MCTP2: variants seen among roughly 807,000 people sequenced by gnomAD.
MCTP2 encodes multiple C2 and transmembrane domain-containing protein 2.
In MCTP2, 132 loss-of-function variants were observed where a neutral mutation model predicts 111.6. The observed-to-expected ratio is 1.18, with a 90% CI of 1.03 to 1.37. The LOEUF is 1.37. Among genes scored for constraint, MCTP2 ranks in the 40% most tolerant of loss-of-function variants. The pLI is 0.00. For missense variants in MCTP2, 1,183 were observed against 1,067.9 expected, an observed-to-expected ratio of 1.11 and a Z score of -1.50; for synonymous variants, 395 against 387.7, an observed-to-expected ratio of 1.02 and a Z score of -0.22.
chr15:94,243,683 A>G (rs2071336897), intron 1 of MCTP2, among the ~76,000 whole-genome samples: 1 of 147,806 alleles, frequency 6.8e-6, no homozygotes, highest in African/African-American at 2.5e-5. Flanking sequence ...ACATATATGT[A>G]TACACATACA....
At chr15:94,399,204 AT>A in intron 15 of MCTP2, 142 bp downstream of exon 15, 1 of 577,144 alleles carries the variant, frequency 1.7e-6, no homozygotes, top group Non-Finnish European at 3.1e-6. Context: ...AAAGCTGTGC[AT>A]TTTATAAGCA....
At chr15:94,456,492 A>G (rs2152524817) in intron 19 of MCTP2, among the ~76,000 whole-genome samples, 1 of 152,338 alleles carries the variant, frequency 6.6e-6, no homozygotes, top group Middle Eastern at 3.4e-3. Context: ...ATGTTCCTTT[A>G]TAAACATGAA....
intron 17 of MCTP2, among the ~76,000 whole-genome samples, chr15:94,415,166 ACTCTGCAAAGATTACACTCC>A (rs1272439329): frequency 6.6e-6 from 1 of 151,984 alleles, no homozygotes; most frequent in African/African-American, 2.4e-5. Flanking sequence ...GTGTTAATGC[ACTCTGCAAAGATTACACTCC>A]CTCTCTAATT....
chr15:94,445,716 G>A (rs187818081), intron 19 of MCTP2, among the ~76,000 whole-genome samples: 1 of 152,318 alleles, frequency 6.6e-6, no homozygotes, highest in East Asian at 1.9e-4. Context: ...TCTGGCTTCT[G>A]TTGTGTGTTA....
chr15:94,298,116 C>A, intron 1 of MCTP2, 85 bp from the exon 2 acceptor site: 1 of 543,692 alleles, frequency 1.8e-6, no homozygotes, highest in East Asian at 3.1e-5. Context: ...GTGTTTCTCA[C>A]TTTGATGTGC....
chr15:94,367,879 A>G, intron 11 of MCTP2, 88 bp downstream of exon 11: 1 of 1,156,196 alleles, frequency 8.6e-7, no homozygotes. Context: ...CTCTGAATTG[A>G]AAAACTACAT....
intron 12 of MCTP2, among the ~76,000 whole-genome samples, chr15:94,381,095 A>G (rs1324016119): frequency 6.6e-6 from 1 of 152,212 alleles, no homozygotes; most frequent in African/African-American, 2.4e-5. Context: ...CACGGCCTCA[A>G]ATGTATGTAT....
chr15:94,272,513 T>C (rs1009019287), intron 1 of MCTP2, among the ~76,000 whole-genome samples: 1 of 152,150 alleles, frequency 6.6e-6, no homozygotes, highest in African/African-American at 2.4e-5. Flanking sequence ...TCCCACTCTC[T>C]TCTGAACCTA....
rs557135640 is a variant in MCTP2, at chr15:94,266,795, AGAGTT to A, written c.-65-31401_-65-31397del. Among the ~76,000 whole-genome samples, 16 of 152,374 alleles carry A rather than the reference AGAGTT, an allele frequency of 1.1e-4. No individual in the cohort carries two copies. The East Asian group carries it at 2.9e-3, about 27-fold the overall frequency. On this transcript the variant is annotated intron_variant, in intron 1 of 22. Coordinates refer to ENST00000357742, the MANE Select transcript of MCTP2 (RefSeq NM_001385001.1). ...TTGCCATATAAAAGGAAAGCAATGAAGAGTTGAGTCAGAAAATGAAGCAGATAAAT... is the reference window on the plus strand; with the variant it reads ...TTGCCATATAAAAGGAAAGCAATGAAGAGTCAGAAAATGAAGCAGATAAAT...
At position 94,480,456 on chromosome 15, in the gene MCTP2, G is replaced by A. The variant is rs2074672096; in HGVS notation, c.*1422G>A. ...TTGTATCTCACTGGGTTGCTTTCTG[G>A]CTGAGCCAGAATTCTGCATGATTTG... On this transcript the variant is annotated 3_prime_UTR_variant, in exon 23 of 23. Transcript: ENST00000357742. 2 of 152,000 alleles carry A rather than the reference G, an allele frequency of 1.3e-5. No individual in the cohort carries two copies. The highest frequency in any genetic ancestry group is 1.3e-4 in the Admixed American group (2 of 15,260). The allele number at this position is 152,000 out of a possible 1,614,324, so 9.4% of individuals were successfully genotyped here. A position where few individuals can be genotyped will look rare whatever the true frequency, so the allele number is the denominator to read the frequency against.
At chr15:94,444,004 AAAC>A (rs1268652389) in intron 19 of MCTP2, among the ~76,000 whole-genome samples, 27 of 149,996 alleles carry the variant, frequency 1.8e-4, no homozygotes, top group Admixed American at 7.9e-4. Context: ...AAAAAAAAAA[AAAC>A]AGAAGTATTA....
Position 94,258,546 on chromosome 15 carries a change from A to T in MCTP2, c.-66+26882A>T, listed in dbSNP as rs191652564. ...TGAGACAGATGAGATCCTTTATTGA[A>T]ATTAATAGTTAATGAATTTTCCCAA... is the stretch of plus-strand genomic sequence containing the variant. On this transcript the variant is annotated intron_variant, in intron 1 of 22. Transcript: ENST00000357742. 2.2e-4 allele frequency among the ~76,000 whole-genome samples: 33 copies of T among 152,330 alleles called. 1 individual carries two copies. In the East Asian group the frequency reaches 5.2e-3, roughly 24 times the overall value.
chr15:94,429,866 G>A (rs2083082839), intron 17 of MCTP2, among the ~76,000 whole-genome samples: 1 of 152,144 alleles, frequency 6.6e-6, no homozygotes, highest in African/African-American at 2.4e-5. Context: ...CCCCAAACCT[G>A]CTCTTCCTAC....
chr15:94,234,179 G>A (rs2070383661), intron 1 of MCTP2, among the ~76,000 whole-genome samples: 1 of 152,208 alleles, frequency 6.6e-6, no homozygotes, highest in African/African-American at 2.4e-5. Flanking sequence ...ACCAGGGTGG[G>A]TGATGAAGGA....
chr15:94,231,441 G>C (rs1390721321), upstream of MCTP2: 1 of 152,324 alleles, frequency 6.6e-6, no homozygotes, highest in African/African-American at 2.4e-5. Context: ...CGCTTGGGTC[G>C]GAGGCTGCTC....
intron 17 of MCTP2, 145 bp downstream of exon 17, chr15:94,402,164 A>T (rs1436625725): frequency 7.5e-7 from 1 of 1,328,026 alleles, no homozygotes; most frequent in African/African-American, 1.5e-5. Flanking sequence ...AAACCCCTTA[A>T]ATTACCCAAA....
intron 19 of MCTP2, among the ~76,000 whole-genome samples, chr15:94,452,712 G>A (rs1197418778): frequency 6.6e-6 from 1 of 152,024 alleles, no homozygotes; most frequent in East Asian, 1.9e-4. Context: ...CCAAAAAGAG[G>A]GTAATGGAAG....
intron 17 of MCTP2, among the ~76,000 whole-genome samples, chr15:94,437,807 C>A (rs2083562008): frequency 6.6e-6 from 1 of 151,752 alleles, no homozygotes; most frequent in South Asian, 2.1e-4. Flanking sequence ...GGCTCAGAAA[C>A]AATAGACACA....
intron 17 of MCTP2, among the ~76,000 whole-genome samples, chr15:94,430,557 C>T (rs905310929): frequency 2.2e-5 from 3 of 135,390 alleles, no homozygotes; most frequent in South Asian, 2.4e-4. Flanking sequence ...CATGGTGAAA[C>T]CCCTTCTCTA....
Sources: allele counts gnomAD v4.1 joint callset (sites outside exome capture counted in the v4.1 genomes callset), GRCh38; gene constraint gnomAD v4.1.1; transcripts MANE v1.5; gene names NCBI Gene and HGNC (gene_info 2026-07-23, HGNC 2026-07-21).